The following TNRC6A variants were observed in gnomAD, a reference collection of about 807,000 sequenced individuals.
TNRC6A encodes trinucleotide repeat-containing gene 6A protein.
In TNRC6A, 44 loss-of-function variants were observed where a neutral mutation model predicts 221.2. The observed-to-expected ratio is 0.20, with a 90% CI of 0.16 to 0.26. The LOEUF is 0.26. Among genes scored for constraint, TNRC6A ranks in the 10% least tolerant of loss-of-function variants. The pLI is 1.00. For synonymous variants in TNRC6A, 847 were observed against 838.5 expected, an observed-to-expected ratio of 1.01 and a Z score of -0.18; for missense variants, 2,199 against 2,404.4, an observed-to-expected ratio of 0.91 and a Z score of 1.79.
intron 19 of TNRC6A, 97 bp from the exon 20 acceptor site, chr16:24,816,719 A>C: frequency 7.2e-7 from 1 of 1,391,284 alleles, no homozygotes; most frequent in Non-Finnish European, 9.7e-7. Context: ...AGTATTTGAG[A>C]GTTGCATAGG....
chr16:24,615,003 T>G (rs868716063), intron 1 of TNRC6A, among the ~76,000 whole-genome samples: 1 of 152,144 alleles, frequency 6.6e-6, no homozygotes, highest in African/African-American at 2.4e-5. Context: ...AGGCGGAGGT[T>G]GCAGTGAGCT....
intron 2 of TNRC6A, chr16:24,662,808 A>G (rs777261108): frequency 6.5e-6 from 1 of 153,788 alleles, no homozygotes; most frequent in African/African-American, 2.4e-5. Flanking sequence ...TGGCAATAGA[A>G]TAACTCCTCG....
At chr16:24,764,753 A>G (rs1189870220) in intron 4 of TNRC6A, among the ~76,000 whole-genome samples, 1 of 152,218 alleles carries the variant, frequency 6.6e-6, no homozygotes, top group Non-Finnish European at 1.5e-5. Context: ...TTGGGTATAC[A>G]GTAATCCCCC....
intron 11 of TNRC6A, among the ~76,000 whole-genome samples, chr16:24,802,470 G>T (rs1377685345): frequency 6.6e-6 from 1 of 152,132 alleles, no homozygotes; most frequent in East Asian, 1.9e-4. Flanking sequence ...GATTGCTTGG[G>T]CCGGGGAGGC....
intron 8 of TNRC6A, chr16:24,795,590 C>T: frequency 3.3e-6 from 1 of 305,896 alleles, no homozygotes; most frequent in Non-Finnish European, 6.0e-6. Flanking sequence ...GCCAAGGTTC[C>T]TCACTTTTAA....
Position 24,819,816 on chromosome 16 carries a change from G to T in TNRC6A, c.5081-323G>T, listed in dbSNP as rs1596834548. ...GCCTTTCTTGAGTGACTCAATTACG[G>T]TTATTAAGAATTTCACAATTGCTAT... On this transcript the variant is annotated intron_variant, in intron 21 of 24. Transcript: ENST00000395799. 3.4e-5 allele frequency: 10 copies of T among 291,788 alleles called. 1 individual carries two copies. In the East Asian group the frequency reaches 7.6e-4, roughly 22 times the overall value. 18.1% of individuals were successfully genotyped at this position (291,788 alleles called of 1,614,324 possible).
intron 1 of TNRC6A, among the ~76,000 whole-genome samples, chr16:24,621,454 G>A (rs1217405447): frequency 6.7e-6 from 1 of 148,816 alleles, no homozygotes. Context: ...CGCCTCCCAG[G>A]TTCAAGCGGT....
intron 12 of TNRC6A, 69 bp from the exon 13 acceptor site, chr16:24,804,636 C>T (rs2058393519): frequency 1.3e-6 from 2 of 1,523,510 alleles, no homozygotes; most frequent in African/African-American, 2.8e-5. Flanking sequence ...TCTTCTGTTC[C>T]TGCAATGATT....
chr16:24,800,260 C>T (rs188360248), intron 11 of TNRC6A, among the ~76,000 whole-genome samples: 2 of 152,332 alleles, frequency 1.3e-5, no homozygotes, highest in Admixed American at 1.3e-4. Flanking sequence ...TCACAACTTA[C>T]AAATTCTAGT....
intron 2 of TNRC6A, among the ~76,000 whole-genome samples, chr16:24,677,207 G>A (rs907775454): frequency 6.8e-6 from 1 of 147,464 alleles, no homozygotes; most frequent in Non-Finnish European, 1.5e-5. Context: ...CTGTTGCCCA[G>A]GCTGGAATGC....
chr16:24,684,297 T>TG (rs370172940), intron 2 of TNRC6A, among the ~76,000 whole-genome samples: 5 of 152,072 alleles, frequency 3.3e-5, no homozygotes, highest in African/African-American at 9.7e-5. Flanking sequence ...CCCAGCTACT[T>TG]GGGGGGCTGA....
At chr16:24,663,899 C>A in intron 2 of TNRC6A, 1 of 456,450 alleles carries the variant, frequency 2.2e-6, no homozygotes. Flanking sequence ...TCTTATCAGG[C>A]AGAATATTTT....
In TNRC6A at chr16:24,791,496, A is replaced by G. The variant is rs1330015561; in HGVS notation, c.2854A>G (p.Ile952Val). 1 of 1,532,384 alleles carries G rather than the reference A, an allele frequency of 6.5e-7. No individual in the cohort carries two copies. Among genetic ancestry groups the G allele is most frequent in the Non-Finnish European group, 8.7e-7 (1 of 1,143,738 alleles). 94.9% of individuals were successfully genotyped at this position (1,532,384 alleles called of 1,614,324 possible). ...SSPDWNKQQD[I>V]VGSWGIPPAT... ...TCCAGACTGGAACAAGCAACAAGAC[A>G]TTGTTGGATCTTGGGGAATCCCACC... The change falls in exon 6 of 25, where the codon ATT (isoleucine) becomes GTT (valine). Residue 952 changes from isoleucine to valine, a missense_variant. By Grantham distance (29) the Ile-to-Val change is conservative. This residue lies in a region of TNRC6A where 1,405 missense variants were observed against 1,400.2 expected (regional missense o/e 1.00). Transcript: ENST00000395799.
chr16:24,671,818 T>G (rs1475962631), intron 2 of TNRC6A, among the ~76,000 whole-genome samples: 1 of 152,136 alleles, frequency 6.6e-6, no homozygotes, highest in East Asian at 1.9e-4. Context: ...AAGACCAGCC[T>G]GGGCAACATA....
intron 2 of TNRC6A, among the ~76,000 whole-genome samples, chr16:24,641,825 C>T (rs1332746266): frequency 6.6e-6 from 1 of 152,048 alleles, no homozygotes; most frequent in Non-Finnish European, 1.5e-5. Context: ...TTGGTCTGGG[C>T]ATTTGGAATA....
At chr16:24,677,494 G>T (rs917556246) in intron 2 of TNRC6A, among the ~76,000 whole-genome samples, 4 of 152,030 alleles carry the variant, frequency 2.6e-5, no homozygotes, top group African/African-American at 4.8e-5. Context: ...TCATGGAAAG[G>T]CATCAGAATC....
At chr16:24,699,474 T>C (rs1039219655) in intron 2 of TNRC6A, among the ~76,000 whole-genome samples, 3 of 152,084 alleles carry the variant, frequency 2.0e-5, no homozygotes, top group African/African-American at 7.2e-5. Context: ...TGCCAGCAGT[T>C]TGAGAGGCCA....
chr16:24,639,106 C>G (rs930341780), intron 1 of TNRC6A, among the ~76,000 whole-genome samples: 5 of 152,182 alleles, frequency 3.3e-5, no homozygotes, highest in Admixed American at 3.3e-4. Context: ...ACAAATATTT[C>G]AAGTACTTTG....
Position 24,822,068 on chromosome 16 carries a change from CT to C in TNRC6A, c.5303-7del. On this transcript the variant is annotated splice_region_variant and splice_polypyrimidine_tract_variant and intron_variant, in intron 22 of 24. Coordinates refer to ENST00000395799, the MANE Select transcript of TNRC6A (RefSeq NM_014494.4). ...GGAAAACTGACTTGTCCTTTTTTTC[CT>C]TGTTTAGGTTCCAGCTGGGGTGAGA... 1 of 1,610,330 alleles carries C rather than the reference CT, an allele frequency of 6.2e-7. No homozygotes were observed. The highest frequency in any genetic ancestry group is 2.2e-5 in the East Asian group (1 of 44,868).
Sources: allele counts gnomAD v4.1 joint callset (sites outside exome capture counted in the v4.1 genomes callset), GRCh38; gene constraint gnomAD v4.1.1; regional missense constraint gnomAD v4.1.1; transcripts MANE v1.5; gene names NCBI Gene and HGNC (gene_info 2026-07-23, HGNC 2026-07-21).